Variants in TRPC4AP observed in about 807,000 individuals in gnomAD.
The protein encoded by TRPC4AP is transient receptor potential cation channel subfamily C member 4 associated protein, also known as short transient receptor potential channel 4-associated protein.
In TRPC4AP, 45 loss-of-function variants were observed where a neutral mutation model predicts 99.0. The observed-to-expected ratio is 0.45, with a 90% CI of 0.36 to 0.58. TRPC4AP has a LOEUF of 0.58. Among genes scored for constraint, TRPC4AP ranks in the 20% least tolerant of loss-of-function variants. TRPC4AP has a pLI of 0.00. For synonymous variants in TRPC4AP, 408 were observed against 385.8 expected (o/e 1.06, Z -0.67); for missense variants, 879 against 985.3 (o/e 0.89, Z 1.44).
chr20:35,025,383 T>G (rs1484963982), intron 8 of TRPC4AP, among the ~76,000 whole-genome samples: 1 of 152,150 alleles, frequency 6.6e-6, no homozygotes, highest in African/African-American at 2.4e-5. Flanking sequence ...GATGAGGTCT[T>G]GCTCTGTTGT....
intron 7 of TRPC4AP, 81 bp from the exon 8 acceptor site, chr20:35,035,389 C>A (rs2083295326): frequency 1.4e-6 from 2 of 1,382,490 alleles, no homozygotes; most frequent in Admixed American, 2.2e-5. Context: ...AAACAATCTG[C>A]ATGATAGGAA....
intron 6 of TRPC4AP, among the ~76,000 whole-genome samples, chr20:35,047,499 C>T (rs557333971): frequency 3.9e-5 from 6 of 152,204 alleles, no homozygotes; most frequent in Non-Finnish European, 8.8e-5. Context: ...TACATTCATC[C>T]CTTCTCCTAT....
At chr20:35,056,753 G>A (rs1488340978) in intron 4 of TRPC4AP, among the ~76,000 whole-genome samples, 2 of 151,936 alleles carry the variant, frequency 1.3e-5, no homozygotes, top group African/African-American at 4.8e-5. Flanking sequence ...GCTGAGGTGG[G>A]CAGATCACTT....
At chr20:35,088,908 G>A (rs985405779) in intron 1 of TRPC4AP, among the ~76,000 whole-genome samples, 1 of 152,162 alleles carries the variant, frequency 6.6e-6, no homozygotes, top group Non-Finnish European at 1.5e-5. Context: ...GAAAGGAGAA[G>A]AATGGTTACC....
At chr20:35,062,475 T>C (rs1483761288) in intron 3 of TRPC4AP, among the ~76,000 whole-genome samples, 2 of 152,220 alleles carry the variant, frequency 1.3e-5, no homozygotes, top group South Asian at 2.1e-4. Flanking sequence ...GGTCTATCCA[T>C]ACAGTGGAAT....
At chr20:35,022,840 G>C (rs1371108975) in intron 8 of TRPC4AP, among the ~76,000 whole-genome samples, 2 of 152,106 alleles carry the variant, frequency 1.3e-5, no homozygotes, top group African/African-American at 4.8e-5. Flanking sequence ...GGACAATACA[G>C]TGAGACCTCA....
chr20:35,066,859 A>G (rs1359131032), intron 3 of TRPC4AP, among the ~76,000 whole-genome samples: 3 of 152,210 alleles, frequency 2.0e-5, no homozygotes, highest in Non-Finnish European at 2.9e-5. Context: ...CTTACAGATC[A>G]ATAAGAAAAA....
At chr20:35,052,854 A>T (rs1351572747) in intron 5 of TRPC4AP, among the ~76,000 whole-genome samples, 1 of 152,130 alleles carries the variant, frequency 6.6e-6, no homozygotes, top group African/African-American at 2.4e-5. Context: ...GCTCCAGTTT[A>T]GTCACAGTTT....
intron 11 of TRPC4AP, among the ~76,000 whole-genome samples, chr20:35,012,153 A>T (rs2082652387): frequency 6.6e-6 from 1 of 152,218 alleles, no homozygotes; most frequent in African/African-American, 2.4e-5. Flanking sequence ...TGCTTCCTGG[A>T]GCCCTTCTAT....
At chr20:35,088,223 T>C (rs2084941192) in intron 1 of TRPC4AP, among the ~76,000 whole-genome samples, 1 of 152,198 alleles carries the variant, frequency 6.6e-6, no homozygotes, top group South Asian at 2.1e-4. Context: ...ACCACAACCT[T>C]GGAAGGTCAG....
intron 10 of TRPC4AP, among the ~76,000 whole-genome samples, chr20:35,013,834 A>C (rs2082691342): frequency 6.6e-6 from 1 of 152,200 alleles, no homozygotes; most frequent in African/African-American, 2.4e-5. Context: ...TGGTGAAAGA[A>C]GGGTTAGAAA....
chr20:35,091,541 T>C (rs2085066909), intron 1 of TRPC4AP, among the ~76,000 whole-genome samples: 1 of 152,188 alleles, frequency 6.6e-6, no homozygotes, highest in Non-Finnish European at 1.5e-5. Flanking sequence ...CCAACCACTT[T>C]ATCAGTTTCT....
chr20:35,071,748 C>T (rs551891530), intron 2 of TRPC4AP, among the ~76,000 whole-genome samples: 2 of 152,226 alleles, frequency 1.3e-5, no homozygotes, highest in African/African-American at 2.4e-5. Flanking sequence ...TAAATATACA[C>T]GTGCATGTGT....
chr20:35,025,220 CTAG>C (rs2082998644), intron 8 of TRPC4AP, among the ~76,000 whole-genome samples: 1 of 152,166 alleles, frequency 6.6e-6, no homozygotes, highest in Non-Finnish European at 1.5e-5. Flanking sequence ...CCTCTATCAT[CTAG>C]ACTACTTAAG....
At chr20:35,032,549 G>A (rs993253953) in intron 8 of TRPC4AP, among the ~76,000 whole-genome samples, 6 of 138,172 alleles carry the variant, frequency 4.3e-5, no homozygotes, top group African/African-American at 1.6e-4. Context: ...TCGGCTCACT[G>A]CAACCTCTGC....
At chr20:35,035,337 T>G in intron 7 of TRPC4AP, 29 bp from the exon 8 acceptor site, 1 of 1,604,098 alleles carries the variant, frequency 6.2e-7, no homozygotes, top group Non-Finnish European at 8.5e-7. Flanking sequence ...GCGAGGAAAT[T>G]TTCAAAATAG....
rs1285692085 is a variant in TRPC4AP, at chr20:35,035,294, T to A, written c.880A>T (p.Ile294Phe). 6.2e-7 allele frequency: 1 copy of A among 1,613,536 alleles called. No homozygotes were observed. The highest frequency in any genetic ancestry group is 8.5e-7 in the Non-Finnish European group (1 of 1,179,788). The change falls in exon 8 of 19, where the codon ATT (isoleucine) becomes TTT (phenylalanine). Residue 294 changes from isoleucine (I) to phenylalanine (F), a missense_variant. By Grantham distance (21) the Ile-to-Phe change is conservative (BLOSUM62 0). Coordinates refer to ENST00000252015, the MANE Select transcript of TRPC4AP (RefSeq NM_015638.3). The stretch of plus-strand genomic sequence containing the variant: ...CAAAGCCGCTCAACAAAGCCAGGAA[T>A]GCTGAGAAGGGCCGCTGCCAGGGAA... ...AEINQAALLS[I>F]PGFVERLCKL...
chr20:35,092,537 G>C, intron 1 of TRPC4AP, 77 bp downstream of exon 1: 1 of 1,399,990 alleles, frequency 7.1e-7, no homozygotes, highest in Non-Finnish European at 9.2e-7. Context: ...CGGCGGCCTG[G>C]AAAGGCCTCT....
At chr20:35,058,295 G>A (rs1241786422) in intron 3 of TRPC4AP, among the ~76,000 whole-genome samples, 2 of 152,132 alleles carry the variant, frequency 1.3e-5, no homozygotes, top group African/African-American at 2.4e-5. Flanking sequence ...TGAACACAAC[G>A]AACACATATA....
Sources: allele counts gnomAD v4.1 joint callset (sites outside exome capture counted in the v4.1 genomes callset), GRCh38; gene constraint gnomAD v4.1.1; transcripts MANE v1.5; gene names NCBI Gene and HGNC (gene_info 2026-07-23, HGNC 2026-07-21).